PCDH11X: variants seen among roughly 807,000 people sequenced by gnomAD.
The protein encoded by PCDH11X is protocadherin 11 X-linked.
PCDH11X carries 18 observed loss-of-function variants against 53.3 expected under a neutral mutation model. That is an observed-to-expected ratio of 0.34 (90% confidence interval 0.23 to 0.50). PCDH11X has a LOEUF of 0.50. Ranked by LOEUF, PCDH11X falls within the 20% of genes least tolerant of loss-of-function variation. PCDH11X has a pLI of 0.98. For missense variants in PCDH11X, 570 were observed against 1,032.4 expected, an observed-to-expected ratio of 0.55 and a Z score of 6.14; for synonymous variants, 279 against 393.3, an observed-to-expected ratio of 0.71 and a Z score of 3.44.
intron 10 of PCDH11X, among the ~76,000 whole-genome samples, chrX:92,474,583 G>GT (rs199844260): frequency 8.3e-5 from 7 of 84,401 alleles, no homozygotes; most frequent in Admixed American, 2.8e-4. Flanking sequence ...ATACAATTTA[G>GT]TTTTTTTTTT....
At chrX:92,552,994 C>CGTGTATGTGT (rs2074985712) in intron 10 of PCDH11X, among the ~76,000 whole-genome samples, 1 of 88,903 alleles carries the variant, frequency 1.1e-5, no homozygotes, top group Non-Finnish European at 2.2e-5. Flanking sequence ...CTGCAATTTT[C>CGTGTATGTGT]GTGTGTGTGT....
intron 10 of PCDH11X, among the ~76,000 whole-genome samples, chrX:92,549,763 G>T (rs1263718088): frequency 1.8e-5 from 2 of 110,168 alleles, no homozygotes; most frequent in East Asian, 5.7e-4. Flanking sequence ...TACATAAAAA[G>T]AAACTCAAGT....
At chrX:92,480,804 C>T (rs1273826647) in intron 10 of PCDH11X, among the ~76,000 whole-genome samples, 3 of 111,803 alleles carry the variant, frequency 2.7e-5, no homozygotes, top group Non-Finnish European at 3.8e-5. Context: ...AGGTCAGTGG[C>T]AGTGGGATCT....
intron 10 of PCDH11X, among the ~76,000 whole-genome samples, chrX:92,549,298 T>A (rs927204923): frequency 9.3e-6 from 1 of 107,207 alleles, no homozygotes; most frequent in African/African-American, 3.4e-5. Context: ...CATTTATAAT[T>A]TCGTCTTGAA....
intron 7 of PCDH11X, among the ~76,000 whole-genome samples, chrX:92,212,338 T>C (rs779902607): frequency 9.0e-6 from 1 of 110,777 alleles, no homozygotes; most frequent in South Asian, 3.9e-4. Context: ...ATTTATTTAC[T>C]TATTTATTTA....
intron 7 of PCDH11X, among the ~76,000 whole-genome samples, chrX:92,249,065 T>G: frequency 9.0e-6 from 1 of 110,587 alleles, no homozygotes; most frequent in Middle Eastern, 4.8e-3. Context: ...GGCAAGCTTT[T>G]AATCTTTTTT....
chrX:92,570,399 A>T (rs1044720645), intron 10 of PCDH11X, among the ~76,000 whole-genome samples: 1 of 112,056 alleles, frequency 8.9e-6, no homozygotes, highest in Non-Finnish European at 1.9e-5. Flanking sequence ...TTACTTGATC[A>T]TGTTAGTCTA....
At chrX:92,207,270 C>A (rs903149923) in intron 7 of PCDH11X, among the ~76,000 whole-genome samples, 1 of 111,272 alleles carries the variant, frequency 9.0e-6, no homozygotes, top group African/African-American at 3.3e-5. Flanking sequence ...TTTGCACATG[C>A]CATATGTATA....
intron 8 of PCDH11X, among the ~76,000 whole-genome samples, chrX:92,353,805 A>T (rs1350196035): frequency 4.5e-5 from 5 of 110,886 alleles, no homozygotes; most frequent in East Asian, 2.8e-4. Context: ...TATAGTGTAA[A>T]AATAATTATA....
chrX:92,116,861 T>A (rs1370797570), intron 6 of PCDH11X, among the ~76,000 whole-genome samples: 2 of 110,781 alleles, frequency 1.8e-5, no homozygotes, highest in Non-Finnish European at 3.8e-5. Context: ...GTGCTGGGAT[T>A]ACAGACATGA....
intron 9 of PCDH11X, among the ~76,000 whole-genome samples, chrX:92,461,791 A>G (rs1413438546): frequency 9.0e-6 from 1 of 111,478 alleles, no homozygotes; most frequent in Non-Finnish European, 1.9e-5. Flanking sequence ...AAGGGGGGGA[A>G]ATATTTGTAA....
chrX:91,875,005 T>A (rs1318633473), intron 5 of PCDH11X, among the ~76,000 whole-genome samples: 1 of 107,901 alleles, frequency 9.3e-6, no homozygotes, highest in Non-Finnish European at 1.9e-5. Flanking sequence ...ATGTTAAAAA[T>A]GTAGTAGAGA....
At chrX:92,190,951 G>T (rs758223936) in intron 6 of PCDH11X, among the ~76,000 whole-genome samples, 1 of 111,701 alleles carries the variant, frequency 9.0e-6, no homozygotes, top group African/African-American at 3.2e-5. Flanking sequence ...TGTTATTTTT[G>T]ATTATAATGT....
At position 92,252,519 on chromosome X, in the gene PCDH11X, A is replaced by T. The variant is rs535167550; in HGVS notation, c.3115-10595A>T. Among the ~76,000 whole-genome samples the T allele has an allele frequency of 2.6e-4, 29 of 111,728 alleles. No homozygotes were observed. In the South Asian group the frequency reaches 0.011, roughly 42 times the overall value. On this transcript the variant is annotated intron_variant, in intron 7 of 10. Coordinates refer to ENST00000682573, the MANE Select transcript of PCDH11X (RefSeq NM_032968.5). ...GATAAATATTTTCATTTTGACCATG[A>T]CATTTAGAAAATGTACCATAACACT... is the stretch of plus-strand genomic sequence containing the variant.
intron 6 of PCDH11X, among the ~76,000 whole-genome samples, chrX:92,173,877 C>T (rs2065861774): frequency 2.9e-5 from 3 of 102,111 alleles, no homozygotes; most frequent in South Asian, 5.0e-4. Context: ...CCTAGCTTCT[C>T]GGTAGGCTGA....
chrX:92,534,728 G>T (rs962989942), intron 10 of PCDH11X, among the ~76,000 whole-genome samples: 2 of 111,635 alleles, frequency 1.8e-5, no homozygotes, highest in Non-Finnish European at 3.8e-5. Context: ...CTACAAGCCA[G>T]AAGAGAGTGG....
chrX:92,231,275 C>CT (rs993431759), intron 7 of PCDH11X, among the ~76,000 whole-genome samples: 1 of 111,087 alleles, frequency 9.0e-6, no homozygotes, highest in Non-Finnish European at 1.9e-5. Flanking sequence ...GAAATAAGCT[C>CT]TTTTTTTATT....
chrX:92,325,187 G>A lies in PCDH11X; in HGVS notation c.3144+62044G>A, dbSNP rs368053628. On this transcript the variant is annotated intron_variant, in intron 8 of 10. Transcript: ENST00000682573. The stretch of plus-strand genomic sequence containing the variant: ...TGAGAAGGATAGAAACTGAACAATC[G>A]ACATATTTGGAGATGGTCTTGTACA... Among the ~76,000 whole-genome samples the A allele has an allele frequency of 3.1e-4, 34 of 110,285 alleles. No individual in the cohort carries two copies. In the South Asian group the frequency reaches 8.3e-3, roughly 27 times the overall value.
chrX:92,615,025 T>A (rs982329200), intron 10 of PCDH11X, among the ~76,000 whole-genome samples: 1 of 111,678 alleles, frequency 9.0e-6, no homozygotes, highest in African/African-American at 3.3e-5. Context: ...TGTAGAGGGC[T>A]TGACTGCACC....
Sources: allele counts gnomAD v4.1 joint callset (sites outside exome capture counted in the v4.1 genomes callset), GRCh38; gene constraint gnomAD v4.1.1; transcripts MANE v1.5; gene names NCBI Gene and HGNC (gene_info 2026-07-23, HGNC 2026-07-21).